CDH24: variants seen among roughly 807,000 people sequenced by gnomAD.
CDH24 encodes cadherin 24.
A neutral mutation model predicts 71.2 loss-of-function variants in CDH24; 61 were observed. The observed-to-expected ratio is 0.86, with a 90% CI of 0.70 to 1.06. The LOEUF (loss-of-function observed/expected upper bound fraction) is 1.06. Among genes scored for constraint, CDH24 ranks in the 50% least tolerant of loss-of-function variants. CDH24 has a pLI of 0.00. For missense variants in CDH24, 961 were observed against 1,083.7 expected, an observed-to-expected ratio of 0.89 and a Z score of 1.59; for synonymous variants, 440 against 470.2, an observed-to-expected ratio of 0.94 and a Z score of 0.83.
Position 23,049,854 on chromosome 14 carries a change from T to G in CDH24, c.1453A>C (p.Thr485Pro). ...NAPQLAEPYD[T>P]FVCDSAAPGQ... is the part of the protein sequence containing the mutation. ...GGAGCTGCAGAGTCACACACAAAAG[T>G]ATCGTAGGGCTCAGCCAGCTGGGGA... Residue 485 changes from threonine (T) to proline (P), a missense_variant, in exon 9 of 13, where the codon ACT becomes CCT. Transcript: ENST00000487137. 2.5e-6 allele frequency: 4 copies of G among 1,613,840 alleles called. No individual in the cohort carries two copies. Among genetic ancestry groups the G allele is most frequent in the Non-Finnish European group, 3.4e-6 (4 of 1,179,958 alleles).
intron 8 of CDH24, among the ~76,000 whole-genome samples, chr14:23,050,532 CAT>C (rs1491037890): frequency 6.4e-5 from 9 of 141,242 alleles, no homozygotes; most frequent in Non-Finnish European, 1.3e-4. Context: ...CACACACACA[CAT>C]CCCATCAGAG....
Position 23,054,875 on chromosome 14 carries a change from G to T in CDH24, c.497-9C>A, listed in dbSNP as rs754504090. ...CTGGATCACTGATGTCCCTGTGGGG[G>T]ATGCCAGCACGCCATTCAGCAGCAG... On this transcript the variant is annotated splice_polypyrimidine_tract_variant and intron_variant, in intron 3 of 12. Coordinates refer to ENST00000487137, the MANE Select transcript of CDH24 (RefSeq NM_144985.4). The surrounding 1 kb of genome is among the most constrained non-coding windows in gnomAD (Gnocchi z 5.2). 1.9e-6 allele frequency: 3 copies of T among 1,612,498 alleles called. No homozygotes were observed. The highest frequency in any genetic ancestry group is 1.1e-5 in the South Asian group (1 of 91,026).
rs112137403 is a variant in CDH24 at position 23,049,521 on chromosome 14, A to C, written c.1597+106T>G. 11 of 756,358 alleles carry C rather than the reference A, an allele frequency of 1.5e-5. No individual in the cohort carries two copies. The African/African-American group carries it at 1.6e-4, about 11-fold the overall frequency. 46.9% of individuals were successfully genotyped at this position (756,358 alleles called of 1,614,324 possible). ...TCCACACCCATCTTCTGTTGGGTAG[A>C]AGGCCGAGGCAGGTGGGGCAGGGGT... is the stretch of plus-strand genomic sequence containing the variant. On this transcript the variant is annotated intron_variant, in intron 10 of 12. Transcript: ENST00000487137.
intron 7 of CDH24, 32 bp from the exon 8 acceptor site, chr14:23,052,641 C>A (rs778025537): frequency 1.9e-6 from 3 of 1,608,770 alleles, no homozygotes; most frequent in Non-Finnish European, 8.5e-7. Context: ...TGGGGCTGAT[C>A]TGGGGCGGGA....
At chr14:23,052,284 GGATCCAGGCTAGGACCCA>G in intron 8 of CDH24, 171 bp downstream of exon 8, 1 of 773,250 alleles carries the variant, frequency 1.3e-6, no homozygotes, top group Non-Finnish European at 2.2e-6. Context: ...CTGGTAGCAA[GGATCCAGGCTAGGACCCA>G]GATCCAGGCT....
rs759776881 is a variant in CDH24, at chr14:23,054,797, A to G, written c.566T>C (p.Val189Ala). The change falls in exon 4 of 13, where the codon GTG (valine) becomes GCG (alanine). Residue 189 changes from valine (V) to alanine (A), a missense_variant. Coordinates refer to ENST00000487137, the MANE Select transcript of CDH24 (RefSeq NM_144985.4). The surrounding 1 kb of genome is among the most constrained non-coding windows in gnomAD (Gnocchi z 5.2). ...AGGCAGTCCATCCAGAACAGTGTAC[A>G]CCAGCTTGGCACTGTTCCCATAGCT... is the stretch of plus-strand genomic sequence containing the variant. ...DPSYGNSAKL[V>A]YTVLDGLPFF... 1 of 1,614,090 alleles carries G rather than the reference A, an allele frequency of 6.2e-7. No homozygotes were observed.
rs1177657459 is a variant in CDH24, at chr14:23,054,016, T to C, written c.972+125A>G. ...GGGCCTCATCTGAAGGATGAGGAGG[T>C]GACCATGATCTCTAAGCTCCAACAG... On this transcript the variant is annotated intron_variant, in intron 6 of 12. Coordinates refer to ENST00000487137, the MANE Select transcript of CDH24 (RefSeq NM_144985.4). This position sits in a 1 kb window ranked among gnomAD's most constrained non-coding sequence, Gnocchi z 5.2. 8.4e-6 allele frequency: 9 copies of C among 1,074,260 alleles called. No homozygotes were observed. The highest frequency in any genetic ancestry group is 1.1e-5 in the Non-Finnish European group (8 of 754,932). The allele number at this position is 1,074,260 out of a possible 1,614,324, so 66.5% of individuals were successfully genotyped here.
chr14:23,048,147 C>G lies in CDH24; in HGVS notation c.2179G>C (p.Val727Leu), dbSNP rs866029427. ...PGVPPYDSVQVYGYEGRGSSC... is the reference protein window; with the variant it reads ...PGVPPYDSVQLYGYEGRGSSC... ...GAGCCGCGGCCCTCGTAGCCGTACA[C>G]CTGCACCGAGTCGTACGGGGGTACG... The change falls in exon 12 of 13, where the codon GTG becomes CTG. Residue 727 changes from valine (V) to leucine (L), a missense_variant. Transcript: ENST00000487137. 1.4e-6 allele frequency: 2 copies of G among 1,385,196 alleles called. No homozygotes were observed. Among genetic ancestry groups the G allele is most frequent in the African/African-American group, 3.1e-5 (2 of 65,184 alleles). The allele number at this position is 1,385,196 out of a possible 1,614,324, so 85.8% of individuals were successfully genotyped here. A position where few individuals can be genotyped will look rare whatever the true frequency, so the allele number is the denominator to read the frequency against.
At position 23,057,202 on chromosome 14, in the gene CDH24, AG is replaced by A; in HGVS notation, c.-125+200del. ...GATAAGGAAGGCAAACAGGCAGAGA[AG>A]GAAGGGTGAAGAGAAATCGAGAGAA... On this transcript the variant is annotated intron_variant, in intron 1 of 12. Coordinates refer to ENST00000487137, the MANE Select transcript of CDH24 (RefSeq NM_144985.4). The surrounding 1 kb of genome is among the most constrained non-coding windows in gnomAD (Gnocchi z 5.4). Among the ~76,000 whole-genome samples, 1 of 152,126 alleles carries A rather than the reference AG, an allele frequency of 6.6e-6. No individual in the cohort carries two copies. Among genetic ancestry groups the A allele is most frequent in the Admixed American group, 6.5e-5 (1 of 15,306 alleles).
chr14:23,047,867 G>A lies in CDH24; in HGVS notation c.*113C>T, dbSNP rs138890287. On this transcript the variant is annotated 3_prime_UTR_variant, in exon 12 of 13. Coordinates refer to ENST00000487137, the MANE Select transcript of CDH24 (RefSeq NM_144985.4). ...AAGCAAGGAGGGACACAAGGACAGG[G>A]AGGAGGCCTGGGGCCCCTGGGCTGC... is the stretch of plus-strand genomic sequence containing the variant. 1,155 of 686,134 alleles carry A rather than the reference G, an allele frequency of 1.7e-3. 15 individuals are homozygous for A. The African/African-American group carries it at 0.019, about 11-fold the overall frequency. The allele number at this position is 686,134 out of a possible 1,614,324, so 42.5% of individuals were successfully genotyped here.
At position 23,051,965 on chromosome 14, in the gene CDH24, C is replaced by T. The variant is rs1259155185; in HGVS notation, c.1363+508G>A. 6.5e-7 allele frequency: 1 copy of T among 1,531,374 alleles called. No individual in the cohort carries two copies. Among genetic ancestry groups the T allele is most frequent in the Admixed American group, 1.9e-5 (1 of 51,582 alleles). 94.9% of individuals were successfully genotyped at this position (1,531,374 alleles called of 1,614,324 possible). On this transcript the variant is annotated intron_variant, in intron 8 of 12. Coordinates refer to ENST00000487137, the MANE Select transcript of CDH24 (RefSeq NM_144985.4). This position sits in a 1 kb window ranked among gnomAD's most constrained non-coding sequence, Gnocchi z 4.4. ...TCCCCTTCCTTATGGTGTCCACTCCCCTACCTTGGGGGATTCCCACAGCGC... is the reference window on the plus strand; with the variant it reads ...TCCCCTTCCTTATGGTGTCCACTCCTCTACCTTGGGGGATTCCCACAGCGC...
intron 1 of CDH24, among the ~76,000 whole-genome samples, chr14:23,056,838 G>A (rs1272227055): frequency 1.3e-5 from 2 of 152,256 alleles, no homozygotes; most frequent in South Asian, 4.1e-4. Context: ...TTCTCCTAGG[G>A]GCGGGGGGGA....
Position 23,049,997 on chromosome 14 carries a change from C to A in CDH24, c.1364-54G>T, listed in dbSNP as rs953090430. On this transcript the variant is annotated intron_variant, in intron 8 of 12. Transcript: ENST00000487137. ...CCACACACACACCACACAGTTTACA[C>A]GTAACATATGTGGTGCATGGGCATG... 6 of 1,589,358 alleles carry A rather than the reference C, an allele frequency of 3.8e-6. No individual in the cohort carries two copies. In the African/African-American group the frequency reaches 8.0e-5, roughly 21 times the overall value.
chr14:23,049,554 G>A, intron 10 of CDH24, 73 bp downstream of exon 10: 1 of 940,490 alleles, frequency 1.1e-6, no homozygotes, highest in Non-Finnish European at 1.6e-6. Context: ...GGTCAGGCAG[G>A]CTGGGCTAGG....
chr14:23,054,239 C>A lies in CDH24; in HGVS notation c.874G>T (p.Ala292Ser). Residue 292 changes from alanine to serine, a missense_variant, in exon 6 of 13, where the codon GCC becomes TCC. Around this residue, in one of 2 missense-constraint regions of CDH24, gnomAD observed 671 missense variants for 810.9 expected, o/e 0.83. Coordinates refer to ENST00000487137, the MANE Select transcript of CDH24 (RefSeq NM_144985.4). The surrounding 1 kb of genome is among the most constrained non-coding windows in gnomAD (Gnocchi z 5.2). ...TCCAGGATGCTGTATGCCATCAGGGCGTTGTCCCCCAGGTCTGGGTCCTGG... is the reference window on the plus strand; with the variant it reads ...TCCAGGATGCTGTATGCCATCAGGGAGTTGTCCCCCAGGTCTGGGTCCTGG... ...RAQDPDLGDN[A>S]LMAYSILDGE... 1 of 1,613,760 alleles carries A rather than the reference C, an allele frequency of 6.2e-7. No individual in the cohort carries two copies. The highest frequency in any genetic ancestry group is 8.5e-7 in the Non-Finnish European group (1 of 1,179,950).
chr14:23,049,181 C>A lies in CDH24; in HGVS notation c.1692G>T (p.Pro564=). Residue 564 remains proline, a synonymous_variant, in exon 11 of 13, where the codon CCG becomes CCT. Transcript: ENST00000487137. ...VPIELWDWGQ[P]ALSSTATVTV... is the part of the protein sequence containing the mutation. ...TCACTGTGGCAGTGCTGCTCAGCGC[C>A]GGCTGCCCCCAGTCCCACAGTTCTA... The A allele has an allele frequency of 6.3e-7, 1 of 1,577,306 alleles. No homozygotes were observed. The highest frequency in any genetic ancestry group is 8.6e-7 in the Non-Finnish European group (1 of 1,161,290).
chr14:23,053,361 C>T (rs965550152), intron 7 of CDH24, 135 bp downstream of exon 7: 2 of 1,122,474 alleles, frequency 1.8e-6, no homozygotes, highest in Non-Finnish European at 2.4e-6. Context: ...TGCAGACCAG[C>T]AAGCCCAGCT....
rs914827356 is a variant in CDH24 at position 23,047,830 on chromosome 14, G to C, written c.*150C>G. ...TCAGGAGGAGGGAGGTGAGAGCGAG[G>C]GTGCCCCGGGGAAGCAAGGAGGGAC... On this transcript the variant is annotated 3_prime_UTR_variant, in exon 12 of 13. Coordinates refer to ENST00000487137, the MANE Select transcript of CDH24 (RefSeq NM_144985.4). 3 of 437,578 alleles carry C rather than the reference G, an allele frequency of 6.9e-6. No homozygotes were observed. Among genetic ancestry groups the C allele is most frequent in the African/African-American group, 6.2e-5 (3 of 48,196 alleles). The allele number at this position is 437,578 out of a possible 1,614,324, so 27.1% of individuals were successfully genotyped here.
In CDH24 at chr14:23,054,921, C is replaced by A; in HGVS notation, c.497-55G>T. The stretch of plus-strand genomic sequence containing the variant: ...AGCAGCAGGGAAGGATGGGGAAGAA[C>A]AACCGATGGGGGGGGATGCAGATAC... On this transcript the variant is annotated intron_variant, in intron 3 of 12. Transcript: ENST00000487137. The surrounding 1 kb of genome is among the most constrained non-coding windows in gnomAD (Gnocchi z 5.2). 3 of 1,578,216 alleles carry A rather than the reference C, an allele frequency of 1.9e-6. No individual in the cohort carries two copies. Among genetic ancestry groups the A allele is most frequent in the Non-Finnish European group, 2.6e-6 (3 of 1,165,614 alleles).
Sources: gnomAD v4.1 joint callset for allele counts (sites outside exome capture counted in the v4.1 genomes callset) on GRCh38, gnomAD v4.1.1 for gene constraint, gnomAD v4.1.1 regional missense constraint, Gnocchi (gnomAD v3.1) non-coding constraint, MANE v1.5 for transcripts, NCBI Gene and HGNC (gene_info 2026-07-23, HGNC 2026-07-21) for gene names.